Variants in PTPRD observed in about 807,000 individuals in gnomAD.
The protein encoded by PTPRD is receptor-type tyrosine-protein phosphatase delta.
Under a neutral mutation model 214.5 loss-of-function variants are expected in PTPRD, and 34 were observed. That is an observed-to-expected ratio of 0.16 (90% confidence interval 0.12 to 0.21). PTPRD has a LOEUF of 0.21. PTPRD is among the 10% of genes least tolerant of loss of function. The probability of loss-of-function intolerance (pLI) is 1.00; values close to 1 mark genes in which losing one functional copy is unlikely to be tolerated. For missense variants in PTPRD, 2,545 were observed against 2,398.7 expected (o/e 1.06, Z -1.27); for synonymous variants, 1,128 against 845.7 (o/e 1.33, Z -5.79).
intron 11 of PTPRD, among the ~76,000 whole-genome samples, chr9:9,014,300 A>G (rs1203450386): frequency 1.3e-5 from 2 of 151,818 alleles, no homozygotes; most frequent in Non-Finnish European, 2.9e-5. Flanking sequence ...CAATCTGAAC[A>G]GAAATGTGCT....
intron 2 of PTPRD, among the ~76,000 whole-genome samples, chr9:10,385,712 T>C (rs776675746): frequency 3.3e-5 from 5 of 151,882 alleles, no homozygotes; most frequent in Non-Finnish European, 7.4e-5. Context: ...TGGCTTATCA[T>C]AAATGGCAAA....
intron 14 of PTPRD, among the ~76,000 whole-genome samples, chr9:8,616,107 T>C (rs1015180530): frequency 6.6e-6 from 1 of 152,166 alleles, no homozygotes; most frequent in Non-Finnish European, 1.5e-5. Context: ...TACAAGTGAA[T>C]TGTTGATCTA....
At chr9:10,162,611 G>A (rs1003097172) in intron 3 of PTPRD, among the ~76,000 whole-genome samples, 3 of 148,538 alleles carry the variant, frequency 2.0e-5, no homozygotes, top group Non-Finnish European at 3.0e-5. Context: ...TTATACGTAC[G>A]TATATACACA....
intron 11 of PTPRD, among the ~76,000 whole-genome samples, chr9:8,976,754 T>G (rs1005017671): frequency 1.2e-4 from 18 of 152,114 alleles, no homozygotes; most frequent in Non-Finnish European, 2.6e-4. Context: ...TTAAATATTT[T>G]CCTCTCAGAG....
rs559222858 is a variant in PTPRD at position 9,791,608 on chromosome 9, T to C, written c.-367-24757A>G. 4.6e-5 allele frequency among the ~76,000 whole-genome samples: 7 copies of C among 152,308 alleles called. No individual in the cohort carries two copies. The South Asian group carries it at 1.5e-3, about 32-fold the overall frequency. On this transcript the variant is annotated intron_variant, in intron 5 of 45. Transcript: ENST00000381196. Reference sequence around the variant, plus strand: ...TAAGAGCCTTGGCATTCTCTGTCTTTCTTCCTTTCATCTTTCTTTTACATT... The same window carrying C: ...TAAGAGCCTTGGCATTCTCTGTCTTCCTTCCTTTCATCTTTCTTTTACATT...
At chr9:8,673,329 A>C (rs1463415690) in intron 12 of PTPRD, among the ~76,000 whole-genome samples, 1 of 152,156 alleles carries the variant, frequency 6.6e-6, no homozygotes, top group Non-Finnish European at 1.5e-5. Context: ...TCCCCATCCT[A>C]AGCTTGAGTT....
chr9:8,859,085 G>T (rs1027668915), intron 11 of PTPRD, among the ~76,000 whole-genome samples: 1 of 152,226 alleles, frequency 6.6e-6, no homozygotes, highest in African/African-American at 2.4e-5. Flanking sequence ...GTCCGCCCCA[G>T]TTCACCTTGG....
At chr9:9,298,311 A>T (rs1474524716) in intron 9 of PTPRD, among the ~76,000 whole-genome samples, 22 of 151,672 alleles carry the variant, frequency 1.5e-4, no homozygotes. Flanking sequence ...TCCTTTGTAC[A>T]TGAAAAGATT....
intron 14 of PTPRD, among the ~76,000 whole-genome samples, chr9:8,544,090 G>C (rs977471407): frequency 1.6e-4 from 25 of 151,542 alleles, no homozygotes; most frequent in African/African-American, 6.1e-4. Context: ...AAGGTTCATA[G>C]ACTTCCATTT....
chr9:8,363,405 TA>T (rs1213549530), intron 39 of PTPRD, among the ~76,000 whole-genome samples: 5 of 152,168 alleles, frequency 3.3e-5, no homozygotes, highest in Non-Finnish European at 5.9e-5. Flanking sequence ...ACAACTCTTC[TA>T]TACACATCTA....
chr9:8,457,053 T>G (rs577774098), intron 33 of PTPRD, among the ~76,000 whole-genome samples: 18 of 152,344 alleles, frequency 1.2e-4, no homozygotes, highest in Admixed American at 6.5e-5. Flanking sequence ...TGTGAATTTT[T>G]TGTTGGAGTA....
At chr9:8,507,522 C>T (rs1429027029) in intron 21 of PTPRD, 88 bp from the exon 22 acceptor site, 20 of 1,517,604 alleles carry the variant, frequency 1.3e-5, no homozygotes, top group African/African-American at 5.5e-5. Context: ...TTAAACCTTT[C>T]GAAATCTGTA....
At chr9:9,954,445 G>C (rs1359254314) in intron 4 of PTPRD, among the ~76,000 whole-genome samples, 1 of 148,466 alleles carries the variant, frequency 6.7e-6, no homozygotes, top group Non-Finnish European at 1.5e-5. Context: ...TAAACATGTT[G>C]TTTTAACATT....
chr9:8,346,940 T>C (rs879804340), intron 39 of PTPRD, among the ~76,000 whole-genome samples: 2 of 152,132 alleles, frequency 1.3e-5, no homozygotes, highest in Non-Finnish European at 2.9e-5. Flanking sequence ...GGCCACAGTA[T>C]GTGATAAGCA....
intron 3 of PTPRD, among the ~76,000 whole-genome samples, chr9:10,302,649 G>A (rs1186586094): frequency 6.6e-6 from 1 of 152,122 alleles, no homozygotes; most frequent in Non-Finnish European, 1.5e-5. Flanking sequence ...AAACAACAAA[G>A]ATCAAAAGAG....
intron 12 of PTPRD, among the ~76,000 whole-genome samples, chr9:8,669,004 G>C (rs1296114112): frequency 6.6e-6 from 1 of 152,108 alleles, no homozygotes; most frequent in Non-Finnish European, 1.5e-5. Context: ...TCAAAGAGGA[G>C]CACTGAACAG....
intron 10 of PTPRD, among the ~76,000 whole-genome samples, chr9:9,123,607 C>G (rs1383177474): frequency 1.3e-5 from 2 of 152,038 alleles, no homozygotes; most frequent in Non-Finnish European, 2.9e-5. Flanking sequence ...AGCCCATAGA[C>G]TGATAAAAAC....
At chr9:10,575,014 A>C (rs2068749615) in intron 2 of PTPRD, among the ~76,000 whole-genome samples, 1 of 151,560 alleles carries the variant, frequency 6.6e-6, no homozygotes, top group Non-Finnish European at 1.5e-5. Flanking sequence ...AATCATCAGG[A>C]AAGATACAAA....
At chr9:9,918,258 G>A in intron 5 of PTPRD, among the ~76,000 whole-genome samples, 1 of 142,410 alleles carries the variant, frequency 7.0e-6, no homozygotes. Flanking sequence ...CAGGAAAAAT[G>A]AACTAGCTGA....
Sources: gnomAD v4.1 joint callset for allele counts (sites outside exome capture counted in the v4.1 genomes callset) on GRCh38, gnomAD v4.1.1 for gene constraint, MANE v1.5 for transcripts, NCBI Gene and HGNC (gene_info 2026-07-23, HGNC 2026-07-21) for gene names.